BMPR1A: variants seen among roughly 807,000 people sequenced by gnomAD.
BMPR1A encodes the protein bone morphogenetic protein receptor type-1A.
A neutral mutation model predicts 66.0 loss-of-function variants in BMPR1A; 7 were observed. The observed-to-expected ratio is 0.11, with a 90% CI of 0.06 to 0.20. The LOEUF is 0.20. Among genes scored for constraint, BMPR1A ranks in the 10% least tolerant of loss-of-function variants. The probability of loss-of-function intolerance (pLI) is 1.00; values close to 1 mark genes in which losing one functional copy is unlikely to be tolerated. For synonymous variants in BMPR1A, 200 were observed against 229.7 expected (o/e 0.87, Z 1.17); for missense variants, 408 against 669.1 (o/e 0.61, Z 4.31).
intron 1 of BMPR1A, among the ~76,000 whole-genome samples, chr10:86,811,582 T>C (rs4934268): frequency 0.53 from 80,387 of 151,896 alleles, 23,399 homozygotes; most frequent in East Asian, 0.77. Context: ...CTGTATTTCC[T>C]GCAAATTGGC....
chr10:86,854,800 C>A, intron 2 of BMPR1A: 1 of 249,902 alleles, frequency 4.0e-6, no homozygotes. Context: ...TCCAAGTTCT[C>A]ATCAGTGGTT....
At chr10:86,878,751 C>T (rs1842950990) in intron 3 of BMPR1A, among the ~76,000 whole-genome samples, 1 of 152,202 alleles carries the variant, frequency 6.6e-6, no homozygotes, top group South Asian at 2.1e-4. Flanking sequence ...AAGTCTTAAT[C>T]ATTCCTAATA....
chr10:86,874,246 T>A (rs1011877499), intron 2 of BMPR1A, among the ~76,000 whole-genome samples: 3 of 152,230 alleles, frequency 2.0e-5, no homozygotes, highest in African/African-American at 7.2e-5. Context: ...ATTTAAAAGT[T>A]CACTGTCTAT....
intron 1 of BMPR1A, among the ~76,000 whole-genome samples, chr10:86,789,952 C>T (rs1174380712): frequency 2.7e-5 from 4 of 150,196 alleles, no homozygotes; most frequent in Admixed American, 1.3e-4. Context: ...GTCAGGAGAT[C>T]GAGACCATCC....
chr10:86,757,589 G>A (rs1029588753), intron 1 of BMPR1A, among the ~76,000 whole-genome samples: 8 of 152,198 alleles, frequency 5.3e-5, no homozygotes, highest in African/African-American at 1.9e-4. Context: ...AATATGCTGT[G>A]TGTTAGGGTC....
At chr10:86,816,150 A>G (rs1053404857) in intron 1 of BMPR1A, among the ~76,000 whole-genome samples, 2 of 152,250 alleles carry the variant, frequency 1.3e-5, no homozygotes, top group East Asian at 1.9e-4. Context: ...GGCAGCCACT[A>G]GGCTACATGT....
chr10:86,854,857 G>A, intron 2 of BMPR1A: 1 of 239,396 alleles, frequency 4.2e-6, no homozygotes, highest in Admixed American at 4.1e-5. Context: ...CTTCCAAGCT[G>A]TTGAGACTCC....
intron 1 of BMPR1A, among the ~76,000 whole-genome samples, chr10:86,774,944 G>C (rs1841323083): frequency 6.6e-6 from 1 of 152,204 alleles, no homozygotes; most frequent in South Asian, 2.1e-4. Context: ...TTTTCTACCT[G>C]GGGCGTGTAG....
Position 86,926,591 on chromosome 10 carries a change from CTCTTAT to C in BMPR1A, c.*2878_*2883del, listed in dbSNP as rs1239980747. On this transcript the variant is annotated 3_prime_UTR_variant, in exon 13 of 13. Transcript: ENST00000372037. ...ACTTAGTTCTTGTCTCTCCTTTCCA[CTCTTAT>C]TCTTAAATCTGAAGCTCATCGACTA... The C allele has an allele frequency of 5.6e-6, 1 of 179,332 alleles. No individual in the cohort carries two copies. Among genetic ancestry groups the C allele is most frequent in the African/African-American group, 2.4e-5 (1 of 42,346 alleles). The allele number at this position is 179,332 out of a possible 1,614,324, so 11.1% of individuals were successfully genotyped here.
chr10:86,787,438 A>T (rs1325473642), intron 1 of BMPR1A, among the ~76,000 whole-genome samples: 1 of 152,248 alleles, frequency 6.6e-6, no homozygotes. Flanking sequence ...TTGTAGGGTA[A>T]GTAATTAGAT....
At chr10:86,776,725 A>G (rs1051808530) in intron 1 of BMPR1A, among the ~76,000 whole-genome samples, 1 of 152,058 alleles carries the variant, frequency 6.6e-6, no homozygotes, top group Non-Finnish European at 1.5e-5. Context: ...ACCTTGACTG[A>G]CTTCCTTCTC....
At chr10:86,825,703 A>T (rs142237224) in intron 1 of BMPR1A, among the ~76,000 whole-genome samples, 5 of 152,192 alleles carry the variant, frequency 3.3e-5, no homozygotes, top group African/African-American at 1.2e-4. Context: ...TCTTGAACTC[A>T]CGGGCTGAAG....
chr10:86,873,489 T>C (rs1014928456), intron 2 of BMPR1A, among the ~76,000 whole-genome samples: 3 of 139,676 alleles, frequency 2.1e-5, no homozygotes, highest in South Asian at 2.3e-4. Flanking sequence ...AATTAATAAG[T>C]GAAAATTTGG....
chr10:86,784,875 T>C (rs966099008), intron 1 of BMPR1A, among the ~76,000 whole-genome samples: 2 of 152,150 alleles, frequency 1.3e-5, no homozygotes, highest in Non-Finnish European at 2.9e-5. Flanking sequence ...CTGATTTTAA[T>C]TATTTGAGTC....
At chr10:86,799,502 CTTCCTTTCT>C (rs57601706) in intron 1 of BMPR1A, among the ~76,000 whole-genome samples, 35,607 of 122,096 alleles carry the variant, frequency 0.29, 4,910 homozygotes, top group East Asian at 0.61. Context: ...TCCTTCCTTC[CTTCCTTTCT>C]TTTCTTTTCT....
chr10:86,877,209 C>CTT (rs10645210), intron 3 of BMPR1A, among the ~76,000 whole-genome samples: 8,239 of 138,356 alleles, frequency 0.06, 606 homozygotes, highest in African/African-American at 0.17. Flanking sequence ...ATATTTTCAT[C>CTT]TTTTTTTTTT....
chr10:86,804,391 C>G (rs1419148532), intron 1 of BMPR1A, among the ~76,000 whole-genome samples: 1 of 152,084 alleles, frequency 6.6e-6, no homozygotes, highest in Non-Finnish European at 1.5e-5. Context: ...AGGCACCCAC[C>G]ACCACACCCG....
intron 2 of BMPR1A, among the ~76,000 whole-genome samples, chr10:86,839,988 A>G (rs1842403053): frequency 6.6e-6 from 1 of 152,144 alleles, no homozygotes; most frequent in Non-Finnish European, 1.5e-5. Context: ...AACATGTTAG[A>G]ATAATAGATC....
intron 1 of BMPR1A, among the ~76,000 whole-genome samples, chr10:86,793,094 A>ACCCCCCCC (rs142292233): frequency 4.7e-5 from 5 of 106,112 alleles, no homozygotes; most frequent in Admixed American, 1.0e-4. Context: ...CCTGATCTAT[A>ACCCCCCCC]CCCCCCCCCA....
Sources: allele counts gnomAD v4.1 joint callset (sites outside exome capture counted in the v4.1 genomes callset), GRCh38; gene constraint gnomAD v4.1.1; transcripts MANE v1.5; gene names NCBI Gene and HGNC (gene_info 2026-07-23, HGNC 2026-07-21).